The following CDH11 variants were observed in gnomAD, a reference collection of about 807,000 sequenced individuals.
The protein encoded by CDH11 is cadherin 11, also known as cadherin-11.
A neutral mutation model predicts 67.8 loss-of-function variants in CDH11; 11 were observed. The ratio of observed to expected loss-of-function variants is 0.16; its 90% CI spans 0.10 to 0.27. The LOEUF (loss-of-function observed/expected upper bound fraction) is 0.27. Among genes scored for constraint, CDH11 ranks in the 10% least tolerant of loss-of-function variants. CDH11 has a pLI of 1.00. For missense variants in CDH11, 847 were observed against 1,031.2 expected, an observed-to-expected ratio of 0.82 and a Z score of 2.45; for synonymous variants, 419 against 400.0, an observed-to-expected ratio of 1.05 and a Z score of -0.57.
chr16:65,035,520 G>C (rs970087030), intron 2 of CDH11, among the ~76,000 whole-genome samples: 7 of 152,170 alleles, frequency 4.6e-5, no homozygotes, highest in Non-Finnish European at 1.0e-4. Context: ...TCTGATTGAA[G>C]ACTGCATTAT....
intron 2 of CDH11, among the ~76,000 whole-genome samples, chr16:65,022,397 T>C (rs556407253): frequency 1.9e-4 from 29 of 152,320 alleles, no homozygotes; most frequent in Admixed American, 1.8e-3. Context: ...GACTTGTCCA[T>C]GTGGCTAAAC....
chr16:64,947,880 C>G lies in CDH11; in HGVS notation c.2114G>C (p.Arg705Thr), dbSNP rs766299933. ...DIKPEYQYMP[R>T]PGLRPAPNSV... ...GTTGGGCGCTGGCCGGAGCCCAGGT[C>G]TAGGCATGTACTGATACTCAGGTTT... The change falls in exon 13 of 13, where the codon AGA becomes ACA. Residue 705 changes from arginine to threonine, a missense_variant. Physicochemically the swap from Arg to Thr is moderately conservative, Grantham distance 71. Coordinates refer to ENST00000268603, the MANE Select transcript of CDH11 (RefSeq NM_001797.4). The G allele has an allele frequency of 6.2e-7, 1 of 1,614,060 alleles. No homozygotes were observed. Among genetic ancestry groups the G allele is most frequent in the Non-Finnish European group, 8.5e-7 (1 of 1,180,040 alleles).
rs72792909 is a variant in CDH11 at position 65,071,197 on chromosome 16, A to C, written c.-297-17269T>G. 7.8e-3 allele frequency among the ~76,000 whole-genome samples: 1,192 copies of C among 152,304 alleles called. 7 individuals carry two copies. Among genetic ancestry groups the C allele is most frequent in the Non-Finnish European group, 0.013 (908 of 68,028 alleles). On this transcript the variant is annotated intron_variant, in intron 1 of 12. Transcript: ENST00000268603. ...AGTGGTCCCAGTGGAAAATGAAAGG[A>C]GGTCAAGGCAGGGAAACCAGCAAGC... is the stretch of plus-strand genomic sequence containing the variant.
rs2071179261 is a variant in CDH11, at chr16:64,945,379, T to A, written c.*2224A>T. Reference sequence around the variant, plus strand: ...AGTAAACAGCCTTTTTAAAAAAGACTTCAACATAAAAATGCGAAAATGTAG... The same window carrying A: ...AGTAAACAGCCTTTTTAAAAAAGACATCAACATAAAAATGCGAAAATGTAG... On this transcript the variant is annotated 3_prime_UTR_variant, in exon 13 of 13. Coordinates refer to ENST00000268603, the MANE Select transcript of CDH11 (RefSeq NM_001797.4). 1 of 1,024,034 alleles carries A rather than the reference T, an allele frequency of 9.8e-7. No homozygotes were observed. The highest frequency in any genetic ancestry group is 1.2e-6 in the Non-Finnish European group (1 of 849,930). 63.4% of individuals were successfully genotyped at this position (1,024,034 alleles called of 1,614,324 possible).
intron 8 of CDH11, among the ~76,000 whole-genome samples, chr16:64,979,221 A>T (rs2072260506): frequency 6.6e-6 from 1 of 152,216 alleles, no homozygotes; most frequent in Non-Finnish European, 1.5e-5. Flanking sequence ...AGGCAGAAAC[A>T]GGTGGATCAT....
At chr16:65,087,074 T>A (rs2074714172) in intron 1 of CDH11, among the ~76,000 whole-genome samples, 1 of 152,156 alleles carries the variant, frequency 6.6e-6, no homozygotes, top group African/African-American at 2.4e-5. Flanking sequence ...AATCTTTTGA[T>A]ACAGAGCAGA....
At chr16:65,060,399 G>T (rs2074218951) in intron 1 of CDH11, among the ~76,000 whole-genome samples, 1 of 151,882 alleles carries the variant, frequency 6.6e-6, no homozygotes, top group African/African-American at 2.4e-5. Flanking sequence ...CTTGAGAACA[G>T]CTAGAATAGA....
chr16:65,010,408 G>T (rs2073152508), intron 2 of CDH11, among the ~76,000 whole-genome samples: 1 of 152,252 alleles, frequency 6.6e-6, no homozygotes, highest in African/African-American at 2.4e-5. Flanking sequence ...ATTATGCCAT[G>T]TCTGTGGAAA....
chr16:65,074,435 C>T (rs189437061), intron 1 of CDH11, among the ~76,000 whole-genome samples: 2 of 152,204 alleles, frequency 1.3e-5, no homozygotes, highest in African/African-American at 4.8e-5. Context: ...CTCTGAACCT[C>T]AGTTTCTCTA....
intron 2 of CDH11, among the ~76,000 whole-genome samples, chr16:65,015,205 G>C (rs2073276805): frequency 1.3e-5 from 2 of 151,802 alleles, no homozygotes; most frequent in African/African-American, 2.4e-5. Context: ...ACAGTGGAAA[G>C]ATGTACAGGG....
At chr16:65,036,887 A>G (rs977156922) in intron 2 of CDH11, among the ~76,000 whole-genome samples, 3 of 152,168 alleles carry the variant, frequency 2.0e-5, no homozygotes, top group Non-Finnish European at 4.4e-5. Flanking sequence ...TAACTCAGAA[A>G]ATAAGAAATT....
chr16:65,022,027 C>T (rs1233416810), intron 2 of CDH11, among the ~76,000 whole-genome samples: 1 of 152,092 alleles, frequency 6.6e-6, no homozygotes, highest in African/African-American at 2.4e-5. Flanking sequence ...AGGCCTCCAT[C>T]AAGTAAGAGC....
At chr16:65,041,321 C>T (rs372238815) in intron 2 of CDH11, among the ~76,000 whole-genome samples, 2 of 151,920 alleles carry the variant, frequency 1.3e-5, no homozygotes, top group Non-Finnish European at 2.9e-5. Flanking sequence ...CAAAGACCAG[C>T]ACATTTGTCA....
intron 1 of CDH11, among the ~76,000 whole-genome samples, chr16:65,081,610 A>G (rs1175970705): frequency 6.6e-6 from 1 of 150,676 alleles, no homozygotes; most frequent in African/African-American, 2.4e-5. Flanking sequence ...ATACAGCCCT[A>G]TCAAAATGGG....
chr16:64,991,064 G>A (rs1044683439), intron 6 of CDH11, among the ~76,000 whole-genome samples: 2 of 152,136 alleles, frequency 1.3e-5, no homozygotes, highest in African/African-American at 2.4e-5. Flanking sequence ...GGAAACATTT[G>A]GTGGCTTATG....
intron 5 of CDH11, among the ~76,000 whole-genome samples, chr16:64,992,701 C>T (rs77966953): frequency 2.7e-4 from 41 of 152,172 alleles, no homozygotes; most frequent in Non-Finnish European, 5.4e-4. Context: ...ATTGGGTCAT[C>T]GTGAAATATG....
At chr16:65,021,719 CT>C (rs568716621) in intron 2 of CDH11, among the ~76,000 whole-genome samples, 2 of 150,358 alleles carry the variant, frequency 1.3e-5, no homozygotes, top group Admixed American at 6.6e-5. Flanking sequence ...TTTTAAGCTA[CT>C]TTTTTTTGTT....
At chr16:64,982,365 C>T (rs1417468302) in intron 7 of CDH11, 64 bp from the exon 8 acceptor site, 9 of 1,300,840 alleles carry the variant, frequency 6.9e-6, no homozygotes, top group African/African-American at 1.5e-5. Context: ...GAGAAAGACC[C>T]GATTGTTTTA....
chr16:65,064,596 G>T (rs2074284417), intron 1 of CDH11, among the ~76,000 whole-genome samples: 2 of 152,178 alleles, frequency 1.3e-5, no homozygotes, highest in Admixed American at 6.5e-5. Context: ...TCAGCAAAGA[G>T]AAAGTCTCTG....
Sources: allele counts gnomAD v4.1 joint callset (sites outside exome capture counted in the v4.1 genomes callset), GRCh38; gene constraint gnomAD v4.1.1; transcripts MANE v1.5; gene names NCBI Gene and HGNC (gene_info 2026-07-23, HGNC 2026-07-21).